Variants in PLXNB2 observed in about 807,000 individuals in gnomAD.
The protein encoded by PLXNB2 is plexin-B2.
PLXNB2 carries 85 observed loss-of-function variants against 202.6 expected under a neutral mutation model. The observed-to-expected ratio is 0.42, with a 90% CI of 0.35 to 0.50. The LOEUF (loss-of-function observed/expected upper bound fraction) is 0.50, where lower values mean the gene tolerates loss of function less well. Ranked by LOEUF, PLXNB2 falls within the 20% of genes least tolerant of loss-of-function variation. The pLI is 0.02. For synonymous variants in PLXNB2, 1,239 were observed against 1,137.6 expected (o/e 1.09, Z -1.79); for missense variants, 2,063 against 2,586.2 (o/e 0.80, Z 4.39).
intron 33 of PLXNB2, among the ~76,000 whole-genome samples, 183 bp downstream of exon 33, chr22:50,277,408 C>A (rs976117283): frequency 2.0e-5 from 3 of 152,166 alleles, no homozygotes; most frequent in East Asian, 1.9e-4. Context: ...CAAGGGCTCT[C>A]GGGATCTCCC....
At chr22:50,304,154 C>G (rs1601785305) in intron 1 of PLXNB2, among the ~76,000 whole-genome samples, 1 of 152,182 alleles carries the variant, frequency 6.6e-6, no homozygotes, top group East Asian at 1.9e-4. Context: ...AGCTCCACAG[C>G]CAGGCCAGCC....
rs1431316468 is a variant in PLXNB2 at position 50,284,019 on chromosome 22, C to T, written c.2264-29G>A. ...CGGGGAGAGCTGCCGTCAGTGGTCA[C>T]CCCGTGCCTGCCCGCCCCCGACCTG... On this transcript the variant is annotated intron_variant, in intron 13 of 36. Transcript: ENST00000359337. This position sits in a 1 kb window ranked among gnomAD's most constrained non-coding sequence, Gnocchi z 8.0. The T allele has an allele frequency of 1.3e-6, 2 of 1,528,744 alleles. No homozygotes were observed. Among genetic ancestry groups the T allele is most frequent in the South Asian group, 1.2e-5 (1 of 82,854 alleles). The allele number at this position is 1,528,744 out of a possible 1,614,324, so 94.7% of individuals were successfully genotyped here. A position where few individuals can be genotyped will look rare whatever the true frequency, so the allele number is the denominator to read the frequency against.
chr22:50,305,921 G>A (rs542806909), intron 1 of PLXNB2, among the ~76,000 whole-genome samples: 2 of 152,314 alleles, frequency 1.3e-5, no homozygotes, highest in African/African-American at 4.8e-5. Flanking sequence ...CAACCTTGGG[G>A]CTTTCTCCAA....
Position 50,292,546 on chromosome 22 carries a change from G to A in PLXNB2, c.-13-1949C>T, listed in dbSNP as rs567020838. 6.6e-5 allele frequency among the ~76,000 whole-genome samples: 10 copies of A among 152,224 alleles called. No individual in the cohort carries two copies. The South Asian group carries it at 2.1e-3, about 32-fold the overall frequency. ...GGGCTGGGATTCTGACATGCAGTGG[G>A]AGCAGCTTGGCCTCTGACCACTGTG... On this transcript the variant is annotated intron_variant, in intron 2 of 36. Transcript: ENST00000359337.
At position 50,281,461 on chromosome 22, in the gene PLXNB2, C is replaced by T. The variant is rs1220991545; in HGVS notation, c.3561G>A (p.Val1187=). 6.2e-7 allele frequency: 1 copy of T among 1,612,438 alleles called. No individual in the cohort carries two copies. The highest frequency in any genetic ancestry group is 1.7e-5 in the Admixed American group (1 of 59,994). The change falls in exon 22 of 37, where the codon GTG becomes GTA. Residue 1187 remains valine (V), a synonymous_variant. Coordinates refer to ENST00000359337, the MANE Select transcript of PLXNB2 (RefSeq NM_012401.4). ...FGSREWVLGR[V]EYDTRVSDVP... is the part of the protein sequence containing the mutation. ...CGTCGCTCACCCGTGTGTCGTACTC[C>T]ACGCGGCCCAGCACCCACTCGCGAG...
intron 18 of PLXNB2, 194 bp from the exon 19 acceptor site, chr22:50,282,507 G>A (rs1302320424): frequency 1.3e-5 from 9 of 684,342 alleles, no homozygotes; most frequent in African/African-American, 5.4e-5. Flanking sequence ...GGGGGCACAC[G>A]GGGCCTGGTG....
chr22:50,287,591 A>G, intron 7 of PLXNB2, 76 bp downstream of exon 7: 1 of 1,390,538 alleles, frequency 7.2e-7, no homozygotes, highest in East Asian at 2.5e-5. Context: ...GCCTGTCCCA[A>G]CAGCTCCCAG....
chr22:50,280,080 G>A lies in PLXNB2; in HGVS notation c.4176-9C>T. ...CCACCACAGTCTCAGACCTGGGGGT[G>A]CAGGGAGGCCTTGTACCGAGTGACC... On this transcript the variant is annotated splice_polypyrimidine_tract_variant and intron_variant, in intron 25 of 36. Coordinates refer to ENST00000359337, the MANE Select transcript of PLXNB2 (RefSeq NM_012401.4). The A allele has an allele frequency of 6.3e-7, 1 of 1,598,478 alleles. No homozygotes were observed. Among genetic ancestry groups the A allele is most frequent in the Non-Finnish European group, 8.5e-7 (1 of 1,172,296 alleles).
chr22:50,299,771 A>G (rs2067553596), intron 1 of PLXNB2, among the ~76,000 whole-genome samples: 1 of 152,118 alleles, frequency 6.6e-6, no homozygotes, highest in Non-Finnish European at 1.5e-5. Context: ...GACCCGGGTC[A>G]GAGTTCAGCC....
intron 27 of PLXNB2, among the ~76,000 whole-genome samples, chr22:50,279,380 T>C (rs2065833416): frequency 6.6e-6 from 1 of 152,168 alleles, no homozygotes; most frequent in Non-Finnish European, 1.5e-5. Context: ...GCCAGGCCCT[T>C]GTATGGCCTC....
chr22:50,281,166 CG>C lies in PLXNB2; in HGVS notation c.3685del (p.Arg1229GlufsTer28). 6.2e-7 allele frequency: 1 copy of C among 1,612,984 alleles called. No homozygotes were observed. The highest frequency in any genetic ancestry group is 8.5e-7 in the Non-Finnish European group (1 of 1,179,862). On this transcript the variant is annotated frameshift_variant, in exon 23 of 37. Coordinates refer to ENST00000359337, the MANE Select transcript of PLXNB2 (RefSeq NM_012401.4). LOFTEE classifies it high-confidence loss of function. The stretch of plus-strand genomic sequence containing the variant: ...CTGGGACTTGATCTTCTCATACTCT[CG>C]TTCGGCCTGCTGGCTCTTCCTCCTG... ...CYWRKSQQAEREYEKIKSQLE... is the reference protein window; with the variant it reads ...CYWRKSQQAEXEYEKIKSQLE...
rs375364368 is a variant in PLXNB2 at position 50,279,818 on chromosome 22, G to C, written c.4243-42C>G. On this transcript the variant is annotated intron_variant, in intron 26 of 36. Coordinates refer to ENST00000359337, the MANE Select transcript of PLXNB2 (RefSeq NM_012401.4). ...GGGAGGCTGGGAGGTCAGGGGACTT[G>C]GGGCCTGGAAGGGGCCCCCGGAGCC... 592 of 1,611,122 alleles carry C rather than the reference G, an allele frequency of 3.7e-4. 7 individuals carry two copies. In the South Asian group the frequency reaches 6.0e-3, roughly 16 times the overall value.
chr22:50,294,171 T>C (rs1444049770), intron 2 of PLXNB2, among the ~76,000 whole-genome samples: 3 of 152,242 alleles, frequency 2.0e-5, no homozygotes, highest in Non-Finnish European at 4.4e-5. Context: ...AGGCACTTCC[T>C]GTTTTGAAGC....
Position 50,285,246 on chromosome 22 carries a change from C to T in PLXNB2, c.2088+554G>A, listed in dbSNP as rs1258539498. 3.8e-5 allele frequency among the ~76,000 whole-genome samples: 5 copies of T among 131,826 alleles called. No individual in the cohort carries two copies. The South Asian group carries it at 1.1e-3, about 28-fold the overall frequency. 86.5% of individuals were successfully genotyped at this position (131,826 alleles called of 152,430 possible). ...GCACCTGAGCCTGCCTGTCACCGGC[C>T]GGCACCCCTCCCTCCGCACCTGAGC... On this transcript the variant is annotated intron_variant, in intron 11 of 36. Coordinates refer to ENST00000359337, the MANE Select transcript of PLXNB2 (RefSeq NM_012401.4).
At chr22:50,292,833 G>A (rs1272754984) in intron 2 of PLXNB2, among the ~76,000 whole-genome samples, 3 of 152,196 alleles carry the variant, frequency 2.0e-5, no homozygotes, top group African/African-American at 7.2e-5. Flanking sequence ...CCCAGGGCCC[G>A]CATGAGTGAG....
At chr22:50,301,506 C>G (rs2067682112) in intron 1 of PLXNB2, 1 of 553,552 alleles carries the variant, frequency 1.8e-6, no homozygotes, top group Non-Finnish European at 2.3e-6. Context: ...TCGTGGGATT[C>G]TGGGGCTCAG....
At chr22:50,286,902 G>T (rs1313662733) in intron 8 of PLXNB2, among the ~76,000 whole-genome samples, 1 of 152,188 alleles carries the variant, frequency 6.6e-6, no homozygotes, top group East Asian at 1.9e-4. Context: ...GGCCTGGGGG[G>T]CGTGGCTGCG....
rs2067351109 is a variant in PLXNB2 at position 50,297,303 on chromosome 22, A to C, written c.-73-2525T>G. On this transcript the variant is annotated intron_variant, in intron 1 of 36. Transcript: ENST00000359337. The surrounding 1 kb of genome is among the most constrained non-coding windows in gnomAD (Gnocchi z 5.3). The stretch of plus-strand genomic sequence containing the variant: ...GCCCCAGGCGTGGGCGGGGGCAGCC[A>C]AGGTCAGGGGAGGCTGGCTTCTGTC... Among the ~76,000 whole-genome samples the C allele has an allele frequency of 6.6e-6, 1 of 152,032 alleles. No homozygotes were observed. The highest frequency in any genetic ancestry group is 1.5e-5 in the Non-Finnish European group (1 of 67,948).
rs139471142 is a variant in PLXNB2, at chr22:50,304,993, G to A, written c.-74+2560C>T. The stretch of plus-strand genomic sequence containing the variant: ...CGGCCAGGCTGCAGCCAGAGGGACG[G>A]AGGCATGAGCTGAGTGAGAACTCCC... On this transcript the variant is annotated intron_variant, in intron 1 of 36. Coordinates refer to ENST00000359337, the MANE Select transcript of PLXNB2 (RefSeq NM_012401.4). 4.9e-3 allele frequency among the ~76,000 whole-genome samples: 745 copies of A among 152,364 alleles called. 4 individuals carry two copies. Among genetic ancestry groups the A allele is most frequent in the Admixed American group, 9.0e-3 (138 of 15,310 alleles).
Sources: allele counts gnomAD v4.1 joint callset (sites outside exome capture counted in the v4.1 genomes callset), GRCh38; gene constraint gnomAD v4.1.1; non-coding constraint Gnocchi (gnomAD v3.1); transcripts MANE v1.5; gene names NCBI Gene and HGNC (gene_info 2026-07-23, HGNC 2026-07-21).